PRUNE2: variants seen among roughly 807,000 people sequenced by gnomAD.
PRUNE2 encodes prune homolog 2 with BCH domain, also known as protein prune homolog 2.
PRUNE2 carries 164 observed loss-of-function variants against 252.0 expected under a neutral mutation model. The observed-to-expected ratio is 0.65, with a 90% CI of 0.57 to 0.74. PRUNE2 has a LOEUF of 0.74. Among genes scored for constraint, PRUNE2 ranks in the 30% least tolerant of loss-of-function variants. PRUNE2 has a pLI of 0.00. For missense variants in PRUNE2, 3,495 were observed against 3,711.0 expected, an observed-to-expected ratio of 0.94 and a Z score of 1.51; for synonymous variants, 1,292 against 1,350.2, an observed-to-expected ratio of 0.96 and a Z score of 0.94.
Position 76,705,594 on chromosome 9 carries a change from C to T in PRUNE2, c.6680G>A (p.Arg2227Lys). 2 of 1,614,028 alleles carry T rather than the reference C, an allele frequency of 1.2e-6. No individual in the cohort carries two copies. The highest frequency in any genetic ancestry group is 1.3e-5 in the African/African-American group (1 of 75,058). The change falls in exon 8 of 19, where the codon AGG becomes AAG. Residue 2227 changes from arginine to lysine, a missense_variant. Coordinates refer to ENST00000376718, the MANE Select transcript of PRUNE2 (RefSeq NM_015225.3). ...AATGCTAGTTGCCACATTTTCAATC[C>T]TTGGGATTCTTCTGTCAACTGGTTC... ...ILEPVDRRIPRIENVATSIFV... is the reference protein window; with the variant it reads ...ILEPVDRRIPKIENVATSIFV...
intron 7 of PRUNE2, among the ~76,000 whole-genome samples, 162 bp downstream of exon 7, chr9:76,713,401 G>A (rs949908742): frequency 6.6e-6 from 1 of 152,200 alleles, no homozygotes; most frequent in Non-Finnish European, 1.5e-5. Flanking sequence ...AAGGCCAAAT[G>A]TAAAAAGTAC....
At chr9:76,713,271 G>A (rs2046878811) in intron 7 of PRUNE2, among the ~76,000 whole-genome samples, 1 of 152,162 alleles carries the variant, frequency 6.6e-6, no homozygotes, top group South Asian at 2.1e-4. Context: ...TATGATCAGG[G>A]AGCAGTCCTA....
intron 4 of PRUNE2, among the ~76,000 whole-genome samples, chr9:76,841,273 G>A (rs2132349919): frequency 6.6e-6 from 1 of 152,270 alleles, no homozygotes. Context: ...TGAGGAACGG[G>A]GCATTCCAGC....
intron 1 of PRUNE2, among the ~76,000 whole-genome samples, chr9:76,872,641 A>ACACC (rs1554820970): frequency 6.7e-6 from 1 of 148,676 alleles, no homozygotes; most frequent in Non-Finnish European, 1.5e-5. Context: ...ACACACACAC[A>ACACC]CACCCTCACA....
chr9:76,730,690 A>C (rs2048482571), intron 6 of PRUNE2, among the ~76,000 whole-genome samples: 1 of 152,206 alleles, frequency 6.6e-6, no homozygotes, highest in Admixed American at 6.5e-5. Context: ...TCACGAGGTC[A>C]GGAGTTCAAG....
chr9:76,841,343 T>A (rs2059383764), intron 4 of PRUNE2, among the ~76,000 whole-genome samples: 1 of 152,204 alleles, frequency 6.6e-6, no homozygotes, highest in African/African-American at 2.4e-5. Flanking sequence ...TTCCCTTGGA[T>A]GCCTACACCA....
rs1354162713 is a variant in PRUNE2, at chr9:76,707,238, C to A, written c.5036G>T (p.Arg1679Met). Residue 1679 changes from arginine to methionine, a missense_variant, in exon 8 of 19, where the codon AGG becomes ATG. Physicochemically the swap from Arg to Met is moderately conservative, Grantham distance 91. Transcript: ENST00000376718. ...AGAACCTGAGCTTGTTGAAATGACCCTGGCATCCTCTGGCTGCACAGTTGC... is the reference window on the plus strand; with the variant it reads ...AGAACCTGAGCTTGTTGAAATGACCATGGCATCCTCTGGCTGCACAGTTGC... ...ISATVQPEDA[R>M]VISTSSGSDD... The A allele has an allele frequency of 1.2e-6, 2 of 1,613,836 alleles. No homozygotes were observed. Among genetic ancestry groups the A allele is most frequent in the African/African-American group, 2.7e-5 (2 of 74,888 alleles).
intron 6 of PRUNE2, among the ~76,000 whole-genome samples, chr9:76,774,450 C>CTTTTTTTATTTATTTATTTTTTTT (rs1564272256): frequency 2.4e-5 from 1 of 41,402 alleles, no homozygotes. Context: ...CAGTTCAACC[C>CTTTTTTTATTTATTTATTTTTTTT]TTTTTTTTTT....
At chr9:76,826,958 C>T (rs2058378293) in intron 4 of PRUNE2, among the ~76,000 whole-genome samples, 1 of 152,090 alleles carries the variant, frequency 6.6e-6, no homozygotes, top group South Asian at 2.1e-4. Flanking sequence ...CTTAACTGAC[C>T]CTAGCATACT....
intron 6 of PRUNE2, among the ~76,000 whole-genome samples, chr9:76,797,179 T>C (rs992446838): frequency 1.3e-5 from 2 of 152,194 alleles, no homozygotes; most frequent in Non-Finnish European, 2.9e-5. Context: ...TTAAAAATAG[T>C]AATAGGAATT....
chr9:76,863,679 C>T (rs1410353186), intron 1 of PRUNE2, among the ~76,000 whole-genome samples: 1 of 152,224 alleles, frequency 6.6e-6, no homozygotes, highest in African/African-American at 2.4e-5. Context: ...TTTCCCCAAT[C>T]TACCTACTTT....
At chr9:76,711,833 G>T (rs887309908) in intron 7 of PRUNE2, among the ~76,000 whole-genome samples, 1 of 152,170 alleles carries the variant, frequency 6.6e-6, no homozygotes, top group East Asian at 1.9e-4. Flanking sequence ...GAGAGAGTAG[G>T]AAAGACAAAG....
At chr9:76,837,454 AATAAT>A (rs1564407013) in intron 4 of PRUNE2, among the ~76,000 whole-genome samples, 1 of 62,138 alleles carries the variant, frequency 1.6e-5, no homozygotes, top group African/African-American at 5.4e-5. Context: ...TAATAATAAT[AATAAT>A]AATAATAATA....
At position 76,613,315 on chromosome 9, in the gene PRUNE2, T is replaced by C. The variant is rs1270886517; in HGVS notation, c.*1255A>G. The C allele has an allele frequency of 1.3e-5, 2 of 152,202 alleles. No individual in the cohort carries two copies. Among genetic ancestry groups the C allele is most frequent in the Non-Finnish European group, 2.9e-5 (2 of 68,046 alleles). The allele number at this position is 152,202 out of a possible 1,614,324, so 9.4% of individuals were successfully genotyped here. A position where few individuals can be genotyped will look rare whatever the true frequency, so the allele number is the denominator to read the frequency against. ...TTTTCTGTAAACATAGTCAATGTTT[T>C]AGGCATTGTGGGACATACGGTCTGC... On this transcript the variant is annotated 3_prime_UTR_variant, in exon 19 of 19. Coordinates refer to ENST00000376718, the MANE Select transcript of PRUNE2 (RefSeq NM_015225.3).
At chr9:76,801,813 T>C (rs1277785810) in intron 6 of PRUNE2, among the ~76,000 whole-genome samples, 1 of 152,174 alleles carries the variant, frequency 6.6e-6, no homozygotes, top group African/African-American at 2.4e-5. Context: ...CAGTGCTGCG[T>C]ACAGACAATG....
intron 6 of PRUNE2, among the ~76,000 whole-genome samples, chr9:76,723,831 G>C (rs1345061461): frequency 7.1e-6 from 1 of 140,154 alleles, no homozygotes; most frequent in Non-Finnish European, 1.5e-5. Flanking sequence ...TTTTTGAGAT[G>C]GAGTATCGCT....
chr9:76,765,589 G>A (rs1348547899), intron 6 of PRUNE2, among the ~76,000 whole-genome samples: 3 of 152,154 alleles, frequency 2.0e-5, no homozygotes, highest in Non-Finnish European at 4.4e-5. Context: ...CTGAATGAAT[G>A]AGTAAACTAT....
At chr9:76,784,355 A>C (rs1330939833) in intron 6 of PRUNE2, 1 of 152,224 alleles carries the variant, frequency 6.6e-6, no homozygotes, top group East Asian at 1.9e-4. Context: ...ATGGCTTCAC[A>C]AGACATGCAA....
At chr9:76,845,340 T>C (rs933161662) in intron 4 of PRUNE2, among the ~76,000 whole-genome samples, 1 of 152,228 alleles carries the variant, frequency 6.6e-6, no homozygotes, top group African/African-American at 2.4e-5. Flanking sequence ...TTAAACAAAA[T>C]ATTCTCTAGT....
Sources: allele counts gnomAD v4.1 joint callset (sites outside exome capture counted in the v4.1 genomes callset), GRCh38; gene constraint gnomAD v4.1.1; transcripts MANE v1.5; gene names NCBI Gene and HGNC (gene_info 2026-07-23, HGNC 2026-07-21).